ARMC3: variants seen among roughly 807,000 people sequenced by gnomAD.
ARMC3 encodes armadillo repeat-containing protein 3.
A neutral mutation model predicts 90.3 loss-of-function variants in ARMC3; 74 were observed. The observed-to-expected ratio is 0.82, with a 90% CI of 0.68 to 0.99. The LOEUF (loss-of-function observed/expected upper bound fraction) is 0.99. ARMC3 is among the 50% of genes least tolerant of loss of function. The pLI is 0.00. For missense variants in ARMC3, 958 were observed against 1,042.8 expected, an observed-to-expected ratio of 0.92 and a Z score of 1.12; for synonymous variants, 334 against 361.8, an observed-to-expected ratio of 0.92 and a Z score of 0.87.
intron 10 of ARMC3, among the ~76,000 whole-genome samples, chr10:22,995,106 T>C (rs977082693): frequency 6.6e-6 from 1 of 152,234 alleles, no homozygotes; most frequent in African/African-American, 2.4e-5. Flanking sequence ...TGCTATACTA[T>C]TTGGGAAACC....
At chr10:22,943,681 C>T (rs1834409717) in intron 2 of ARMC3, among the ~76,000 whole-genome samples, 1 of 151,996 alleles carries the variant, frequency 6.6e-6, no homozygotes, top group Admixed American at 6.6e-5. Flanking sequence ...GCCTGTAATC[C>T]CAGCACTTTG....
chr10:22,930,302 T>G (rs1833876976), intron 1 of ARMC3, among the ~76,000 whole-genome samples: 1 of 152,166 alleles, frequency 6.6e-6, no homozygotes, highest in South Asian at 2.1e-4. Flanking sequence ...GGCTCTAAAA[T>G]ATGAAAAGAG....
intron 7 of ARMC3, among the ~76,000 whole-genome samples, chr10:22,968,010 T>C (rs1462230449): frequency 6.6e-6 from 1 of 152,066 alleles, no homozygotes; most frequent in African/African-American, 2.4e-5. Context: ...TTCAAAATTG[T>C]TTTTTGCAGA....
intron 13 of ARMC3, 133 bp from the exon 14 acceptor site, chr10:23,006,751 A>G (rs773949629): frequency 4.2e-6 from 3 of 706,644 alleles, no homozygotes; most frequent in Non-Finnish European, 7.4e-6. Context: ...TTATATATGT[A>G]TATTGTACAT....
chr10:23,005,878 A>T (rs556382151), intron 13 of ARMC3, among the ~76,000 whole-genome samples: 13 of 152,100 alleles, frequency 8.5e-5, no homozygotes, highest in African/African-American at 2.7e-4. Flanking sequence ...AAGGGGGAAA[A>T]AAAAAAGAAA....
Position 22,962,009 on chromosome 10 carries a change from T to C in ARMC3, c.663T>C (p.Asp221=). The C allele has an allele frequency of 6.2e-7, 1 of 1,612,364 alleles. No individual in the cohort carries two copies. The highest frequency in any genetic ancestry group is 1.1e-5 in the South Asian group (1 of 90,822). Reference sequence around the variant, plus strand: ...AAACCTTAGGTGTTATTGCAAATGATAAGGAGTCTCGAACAATGCTAAGAG... The same window carrying C: ...AAACCTTAGGTGTTATTGCAAATGACAAGGAGTCTCGAACAATGCTAAGAG... ...ALKTLGVIAN[D]KESRTMLRDN... Residue 221 remains aspartate, a synonymous_variant, in exon 7 of 19, where the codon GAT becomes GAC. Transcript: ENST00000298032.
intron 8 of ARMC3, among the ~76,000 whole-genome samples, chr10:22,973,681 A>G (rs1489139038): frequency 2.0e-5 from 3 of 150,358 alleles, no homozygotes; most frequent in Non-Finnish European, 4.4e-5. Flanking sequence ...TCTGTCACAG[A>G]TGAAGAGTAG....
intron 13 of ARMC3, 103 bp downstream of exon 13, chr10:23,003,517 T>C (rs944342096): frequency 4.0e-6 from 4 of 999,970 alleles, no homozygotes; most frequent in Non-Finnish European, 4.2e-6. Context: ...ATGTAATTTA[T>C]ATTTTTACAG....
intron 10 of ARMC3, among the ~76,000 whole-genome samples, chr10:22,997,655 A>C (rs1837052469): frequency 6.6e-6 from 1 of 152,158 alleles, no homozygotes; most frequent in Admixed American, 6.5e-5. Context: ...TTTTAACTTA[A>C]ATCAGGAGTT....
intron 3 of ARMC3, among the ~76,000 whole-genome samples, chr10:22,950,524 T>C (rs149065732): frequency 1.3e-5 from 2 of 152,090 alleles, no homozygotes; most frequent in African/African-American, 4.8e-5. Context: ...ATGGAATCAG[T>C]AATATTCACA....
intron 6 of ARMC3, chr10:22,961,316 A>C (rs1368779454): frequency 6.6e-6 from 1 of 152,120 alleles, no homozygotes; most frequent in Admixed American, 6.6e-5. Context: ...CCAACCACCC[A>C]CTTCTTCACT....
At chr10:22,962,922 A>T (rs1835264623) in intron 7 of ARMC3, among the ~76,000 whole-genome samples, 2 of 152,198 alleles carry the variant, frequency 1.3e-5, no homozygotes, top group African/African-American at 4.8e-5. Context: ...TGTGGATCCC[A>T]TATGTGATCC....
chr10:23,030,406 T>C (rs1042496725), intron 16 of ARMC3, among the ~76,000 whole-genome samples, 190 bp from the exon 17 acceptor site: 3 of 152,076 alleles, frequency 2.0e-5, no homozygotes, highest in Non-Finnish European at 4.4e-5. Flanking sequence ...GCGGAACCCA[T>C]GGATAAGAAG....
At chr10:22,948,931 G>A (rs1272372339) in intron 3 of ARMC3, among the ~76,000 whole-genome samples, 1 of 152,164 alleles carries the variant, frequency 6.6e-6, no homozygotes, top group Non-Finnish European at 1.5e-5. Flanking sequence ...GGTAATAGTT[G>A]GAACAAGAGG....
At position 23,030,635 on chromosome 10, in the gene ARMC3, G is replaced by A. The variant is rs1318396826; in HGVS notation, c.2085G>A (p.Glu695=). 1.9e-6 allele frequency: 3 copies of A among 1,613,654 alleles called. No homozygotes were observed. The highest frequency in any genetic ancestry group is 8.5e-7 in the Non-Finnish European group (1 of 1,179,798). The change falls in exon 17 of 19, where the codon GAG becomes GAA. Residue 695 remains glutamate (E), a synonymous_variant. Coordinates refer to ENST00000298032, the MANE Select transcript of ARMC3 (RefSeq NM_173081.5). ...KGKKEEEKVK[E]EEEVMVVPKF... ...AAAAAGAAGAGGAAAAAGTGAAAGA[G>A]GAGGAAGAGGTTATGGTGGTACCAA...
Position 23,008,880 on chromosome 10 carries a change from C to A in ARMC3, c.1994C>A (p.Ser665Tyr). The A allele has an allele frequency of 6.2e-7, 1 of 1,613,708 alleles. No individual in the cohort carries two copies. The highest frequency in any genetic ancestry group is 1.1e-5 in the South Asian group (1 of 91,032). The change falls in exon 16 of 19, where the codon TCT (serine) becomes TAT (tyrosine). Residue 665 changes from serine (S) to tyrosine (Y), a missense_variant. Ser to Tyr is a moderately radical substitution (Grantham distance 144, BLOSUM62 -2). Transcript: ENST00000298032. ...SPIEDKSEPASGRNTVLSKSA... is the reference protein window; with the variant it reads ...SPIEDKSEPAYGRNTVLSKSA... ...ATAGAAGACAAATCAGAGCCAGCTT[C>A]TGGACGAAATACTGTTCTCAGCAAA...
In ARMC3 at chr10:22,959,117, A is replaced by C; in HGVS notation, c.340A>C (p.Ile114Leu). 2 of 1,613,570 alleles carry C rather than the reference A, an allele frequency of 1.2e-6. No individual in the cohort carries two copies. Among genetic ancestry groups the C allele is most frequent in the South Asian group, 2.2e-5 (2 of 91,072 alleles). The change falls in exon 5 of 19, where the codon ATT becomes CTT. Residue 114 changes from isoleucine to leucine, a missense_variant. Ile to Leu is a conservative substitution (Grantham distance 5). Transcript: ENST00000298032. Reference sequence around the variant, plus strand: ...GGAGTTAGATGTCATGAATTCTGTCATTGCCCAGCTCGCTCCAGAAGGTAA... The same window carrying C: ...GGAGTTAGATGTCATGAATTCTGTCCTTGCCCAGCTCGCTCCAGAAGGTAA... ...LRELDVMNSV[I>L]AQLAPEEEVV... is the part of the protein sequence containing the mutation.
chr10:22,986,566 A>C (rs111887408), intron 10 of ARMC3, among the ~76,000 whole-genome samples: 3,541 of 145,150 alleles, frequency 0.024, 126 homozygotes, highest in African/African-American at 0.086. Flanking sequence ...AAAAAAACAA[A>C]AAAAAAAAAA....
intron 7 of ARMC3, 64 bp from the exon 8 acceptor site, chr10:22,968,242 G>T: frequency 6.8e-6 from 10 of 1,468,064 alleles, no homozygotes; most frequent in Non-Finnish European, 8.5e-6. Context: ...TCCTCTTGTA[G>T]TCAAATTTGG....
Sources: gnomAD v4.1 joint callset for allele counts (sites outside exome capture counted in the v4.1 genomes callset) on GRCh38, gnomAD v4.1.1 for gene constraint, MANE v1.5 for transcripts, NCBI Gene and HGNC (gene_info 2026-07-23, HGNC 2026-07-21) for gene names.